The following PCDH15 variants were observed in gnomAD, a reference collection of about 807,000 sequenced individuals.
The protein encoded by PCDH15 is protocadherin related 15.
A neutral mutation model predicts 178.5 loss-of-function variants in PCDH15; 129 were observed. That is an observed-to-expected ratio of 0.72 (90% CI 0.63 to 0.84). The LOEUF is 0.84. Ranked by LOEUF, PCDH15 falls within the 40% of genes least tolerant of loss-of-function variation. The pLI, the probability that PCDH15 is intolerant of heterozygous loss-of-function variation, is 0.00. For synonymous variants in PCDH15, 800 were observed against 732.0 expected, an observed-to-expected ratio of 1.09 and a Z score of -1.50; for missense variants, 2,230 against 2,099.9, an observed-to-expected ratio of 1.06 and a Z score of -1.21.
intron 7 of PCDH15, 110 bp from the exon 8 acceptor site, chr10:54,317,551 G>C: frequency 8.2e-7 from 1 of 1,220,240 alleles, no homozygotes; most frequent in Middle Eastern, 2.0e-4. Flanking sequence ...AAGGTGGGTG[G>C]ATCACTTGAG....
chr10:54,199,337 T>C (rs1421337253), intron 10 of PCDH15, among the ~76,000 whole-genome samples: 1 of 152,020 alleles, frequency 6.6e-6, no homozygotes, highest in East Asian at 1.9e-4. Flanking sequence ...GTTAGTTTTA[T>C]ATTCAAGGCC....
At chr10:53,817,742 T>C (rs1247733320) in intron 34 of PCDH15, among the ~76,000 whole-genome samples, 3 of 151,998 alleles carry the variant, frequency 2.0e-5, no homozygotes, top group Middle Eastern at 3.2e-3. Flanking sequence ...TACTGAGTAA[T>C]AGTAATGCAG....
At chr10:54,282,513 C>G (rs1487688866) in intron 8 of PCDH15, among the ~76,000 whole-genome samples, 1 of 151,988 alleles carries the variant, frequency 6.6e-6, no homozygotes, top group Admixed American at 6.6e-5. Flanking sequence ...TCATTTCCTG[C>G]TTAGGTATTA....
intron 2 of PCDH15, among the ~76,000 whole-genome samples, chr10:54,909,917 G>A (rs780171004): frequency 6.6e-6 from 1 of 152,104 alleles, no homozygotes; most frequent in Non-Finnish European, 1.5e-5. Context: ...GTCTCCAGGG[G>A]GGTCTCAGGG....
chr10:54,469,804 C>T (rs2077772575), intron 3 of PCDH15, among the ~76,000 whole-genome samples: 1 of 152,070 alleles, frequency 6.6e-6, no homozygotes, highest in African/African-American at 2.4e-5. Flanking sequence ...GGTCAATCCT[C>T]TGACTCTCAA....
At chr10:54,628,369 C>T (rs1016416142) in intron 2 of PCDH15, among the ~76,000 whole-genome samples, 5 of 152,162 alleles carry the variant, frequency 3.3e-5, no homozygotes, top group African/African-American at 1.2e-4. Flanking sequence ...TTTCATGTGA[C>T]TTTCTCTTAT....
intron 2 of PCDH15, among the ~76,000 whole-genome samples, chr10:55,499,404 T>TACACACACACACACAAACACACAC: frequency 7.3e-6 from 1 of 136,388 alleles, no homozygotes; most frequent in South Asian, 2.5e-4. Context: ...AGACTCTCCC[T>TACACACACACACACAAACACACAC]ACACACACAC....
At chr10:54,713,490 GC>G (rs2095446310) in intron 1 of PCDH15, among the ~76,000 whole-genome samples, 1 of 152,004 alleles carries the variant, frequency 6.6e-6, no homozygotes, top group African/African-American at 2.4e-5. Context: ...TGTTGTTCTG[GC>G]TTTTTAAAAC....
chr10:54,227,183 C>T (rs1292727097), intron 9 of PCDH15, among the ~76,000 whole-genome samples: 1 of 152,232 alleles, frequency 6.6e-6, no homozygotes, highest in Non-Finnish European at 1.5e-5. Flanking sequence ...CCCTCCTGCA[C>T]TGCACTAGTG....
In PCDH15 at chr10:54,773,696, T is replaced by C. The variant is rs910410871; in HGVS notation, c.-29+27229A>G. Among the ~76,000 whole-genome samples, 29 of 152,196 alleles carry C rather than the reference T, an allele frequency of 1.9e-4. 1 individual carries two copies. The highest frequency in any genetic ancestry group is 1.7e-3 in the Admixed American group (26 of 15,278). The stretch of plus-strand genomic sequence containing the variant: ...CATGAATATGTTAAACCATTACCAA[T>C]AGGTCAATAACCTGCCCTTTTCACC... On this transcript the variant is annotated intron_variant, in intron 1 of 37. Transcript: ENST00000644397.
rs372076597 is a variant in PCDH15, at chr10:54,317,221, T to C, written c.876+50A>G. The stretch of plus-strand genomic sequence containing the variant: ...TACAAAATACTTGAACATGATCCCA[T>C]TGGGTTTTAAAACATGCAAATAAAT... On this transcript the variant is annotated intron_variant, in intron 8 of 37. Coordinates refer to ENST00000644397, the MANE Select transcript of PCDH15 (RefSeq NM_001384140.1). The C allele has an allele frequency of 1.3e-5, 21 of 1,565,844 alleles. No individual in the cohort carries two copies. The African/African-American group carries it at 1.6e-4, about 12-fold the overall frequency.
chr10:54,063,066 T>A (rs1299332619), intron 18 of PCDH15, among the ~76,000 whole-genome samples: 1 of 152,188 alleles, frequency 6.6e-6, no homozygotes, highest in Non-Finnish European at 1.5e-5. Context: ...ACGATTACAT[T>A]AGTTCAAGCC....
intron 1 of PCDH15, among the ~76,000 whole-genome samples, chr10:55,249,376 T>C (rs1393599844): frequency 2.0e-5 from 3 of 152,150 alleles, no homozygotes; most frequent in Non-Finnish European, 4.4e-5. Context: ...AAAGCACTAG[T>C]TATAGACAAC....
At chr10:54,458,417 T>TTTA (rs1565328446) in intron 3 of PCDH15, among the ~76,000 whole-genome samples, 5 of 152,160 alleles carry the variant, frequency 3.3e-5, no homozygotes, top group Admixed American at 1.3e-4. Flanking sequence ...TTTAACTTAA[T>TTTA]GGCAGTTATC....
At chr10:55,072,573 CAAT>C (rs1841778362) in intron 2 of PCDH15, among the ~76,000 whole-genome samples, 1 of 152,000 alleles carries the variant, frequency 6.6e-6, no homozygotes, top group African/African-American at 2.4e-5. Flanking sequence ...CTGAATAGAC[CAAT>C]AACAGGCTCT....
chr10:54,886,030 C>T (rs1954352586), intron 3 of PCDH15, among the ~76,000 whole-genome samples: 1 of 152,236 alleles, frequency 6.6e-6, no homozygotes, highest in East Asian at 1.9e-4. Flanking sequence ...CTCTCTCTCT[C>T]TCTTCCCCTG....
At chr10:53,853,090 A>G (rs568550790) in intron 28 of PCDH15, among the ~76,000 whole-genome samples, 61 of 152,180 alleles carry the variant, frequency 4.0e-4, no homozygotes, top group African/African-American at 1.4e-3. Context: ...AAAAGAGATC[A>G]GAAATATTTC....
chr10:53,824,884 A>T (rs182409066), intron 32 of PCDH15, among the ~76,000 whole-genome samples: 103 of 152,180 alleles, frequency 6.8e-4, no homozygotes, highest in Admixed American at 1.7e-3. Context: ...AAACTAATTT[A>T]AAAAAATTAA....
chr10:53,934,759 A>C (rs2085416483), intron 25 of PCDH15, among the ~76,000 whole-genome samples: 1 of 152,122 alleles, frequency 6.6e-6, no homozygotes, highest in Non-Finnish European at 1.5e-5. Context: ...TCTCTTGGCT[A>C]TCTCCAGGGA....
Sources: gnomAD v4.1 joint callset for allele counts (sites outside exome capture counted in the v4.1 genomes callset) on GRCh38, gnomAD v4.1.1 for gene constraint, MANE v1.5 for transcripts, NCBI Gene and HGNC (gene_info 2026-07-23, HGNC 2026-07-21) for gene names.